Variants in ATG7 observed in about 807,000 individuals in gnomAD.
The protein encoded by ATG7 is autophagy related 7.
Under a neutral mutation model 82.4 loss-of-function variants are expected in ATG7, and 70 were observed. That is an observed-to-expected ratio of 0.85 (90% CI 0.70 to 1.04). The LOEUF (loss-of-function observed/expected upper bound fraction) is 1.04, where lower values mean the gene tolerates loss of function less well. ATG7 is among the 50% of genes least tolerant of loss of function. The pLI is 0.00. For synonymous variants in ATG7, 287 were observed against 313.0 expected, an observed-to-expected ratio of 0.92 and a Z score of 0.88; for missense variants, 792 against 864.3, an observed-to-expected ratio of 0.92 and a Z score of 1.05.
intron 14 of ATG7, among the ~76,000 whole-genome samples, chr3:11,355,486 C>T (rs1346293114): frequency 6.6e-6 from 1 of 152,172 alleles, no homozygotes; most frequent in Non-Finnish European, 1.5e-5. Context: ...TTATCCAGAA[C>T]ACGCAAGATG....
At chr3:11,565,130 G>A in the ATG7 span, 1 of 1,114,070 alleles carries the variant, frequency 9.0e-7, no homozygotes, top group Non-Finnish European at 1.2e-6. This position sits in a 1 kb window ranked among gnomAD's most constrained non-coding sequence, Gnocchi z 4.1. Flanking sequence ...CTGAAGCTCA[G>A]GTCGTGTGGC....
intron 5 of ATG7, among the ~76,000 whole-genome samples, chr3:11,303,980 A>G (rs1345790855): frequency 1.4e-5 from 2 of 143,268 alleles, no homozygotes; most frequent in African/African-American, 2.6e-5. Flanking sequence ...AGTCCCAGCT[A>G]CTCGGGAGGC....
Position 11,321,615 on chromosome 3 carries a change from A to AT in ATG7, c.678+6130dup, listed in dbSNP as rs1386470169. Among the ~76,000 whole-genome samples the AT allele has an allele frequency of 9.2e-5, 14 of 152,066 alleles. No individual in the cohort carries two copies. The East Asian group carries it at 9.7e-4, about 11-fold the overall frequency. On this transcript the variant is annotated intron_variant, in intron 9 of 20. Coordinates refer to ENST00000693202, the MANE Select transcript of ATG7 (RefSeq NM_001349232.2). ...TCCTATAGTGAAAAAGGAAGCAGCC[A>AT]TTTTTTTTCTGCTCAGCTCACAATG...
At chr3:11,387,392 C>T (rs977407546) in intron 19 of ATG7, among the ~76,000 whole-genome samples, 1 of 152,162 alleles carries the variant, frequency 6.6e-6, no homozygotes, top group Non-Finnish European at 1.5e-5. Context: ...TACTCCTTTC[C>T]CTGTCACCTG....
chr3:11,348,745 C>G (rs996642183), intron 14 of ATG7: 1 of 152,288 alleles, frequency 6.6e-6, no homozygotes, highest in Non-Finnish European at 1.5e-5. Flanking sequence ...TGTCCCCACC[C>G]ACGTCCTACT....
intron 20 of ATG7, among the ~76,000 whole-genome samples, chr3:11,507,820 A>G (rs1457386098): frequency 3.9e-5 from 6 of 152,122 alleles, no homozygotes; most frequent in African/African-American, 1.4e-4. Flanking sequence ...GAAGGCAACC[A>G]TTTCCTGCTT....
intron 20 of ATG7, among the ~76,000 whole-genome samples, chr3:11,471,741 A>ATTTTTTT (rs148815680): frequency 3.9e-4 from 12 of 30,396 alleles, no homozygotes; most frequent in South Asian, 1.8e-3. Context: ...GGCTTTTTAG[A>ATTTTTTT]TTTCTTTTTT....
chr3:11,391,958 TGG>T (rs5846709), intron 19 of ATG7, among the ~76,000 whole-genome samples: 1 of 126,704 alleles, frequency 7.9e-6, no homozygotes, highest in African/African-American at 3.0e-5. Context: ...TTGTACTTAT[TGG>T]GGGGGGGGTA....
intron 16 of ATG7, 102 bp from the exon 17 acceptor site, chr3:11,362,711 G>A (rs942004621): frequency 3.3e-5 from 29 of 873,958 alleles, no homozygotes; most frequent in Non-Finnish European, 4.9e-5. Context: ...ATGAGCATCT[G>A]GTTATAATTT....
At chr3:11,531,477 G>T (rs911578729) in intron 20 of ATG7, among the ~76,000 whole-genome samples, 3 of 152,184 alleles carry the variant, frequency 2.0e-5, no homozygotes, top group African/African-American at 7.2e-5. Context: ...TGGCATTAGG[G>T]TGCTCACCTC....
intron 20 of ATG7, among the ~76,000 whole-genome samples, chr3:11,458,904 A>G (rs369182128): frequency 4.6e-5 from 7 of 152,110 alleles, no homozygotes; most frequent in African/African-American, 1.2e-4. Context: ...GCGGAGCATT[A>G]GATTCTCATA....
At chr3:11,452,451 T>A (rs1337539458) in intron 20 of ATG7, among the ~76,000 whole-genome samples, 1 of 148,836 alleles carries the variant, frequency 6.7e-6, no homozygotes, top group African/African-American at 2.5e-5. Flanking sequence ...TTTACACAGC[T>A]GTGAACATAT....
At chr3:11,515,813 A>G (rs1300738608) in intron 20 of ATG7, among the ~76,000 whole-genome samples, 1 of 152,156 alleles carries the variant, frequency 6.6e-6, no homozygotes, top group Non-Finnish European at 1.5e-5. Context: ...GGATAAGACA[A>G]TGAATTCTCT....
chr3:11,433,292 A>T (rs981012004), intron 20 of ATG7, among the ~76,000 whole-genome samples: 6 of 90,170 alleles, frequency 6.7e-5, no homozygotes, highest in African/African-American at 2.5e-4. Flanking sequence ...TCTTATTTAA[A>T]AAAAAAAAAA....
the ATG7 span, chr3:11,564,634 C>T: frequency 2.8e-5 from 23 of 821,942 alleles, no homozygotes; most frequent in African/African-American, 3.0e-4. Context: ...TCCCTTGTCC[C>T]AAGTGCACAA....
At chr3:11,424,055 A>C (rs904626203) in intron 19 of ATG7, among the ~76,000 whole-genome samples, 1 of 151,876 alleles carries the variant, frequency 6.6e-6, no homozygotes, top group African/African-American at 2.4e-5. Flanking sequence ...GTCACAGAGG[A>C]CTTCCTGCCA....
At chr3:11,377,239 T>C (rs773993066) in intron 18 of ATG7, among the ~76,000 whole-genome samples, 22 of 152,340 alleles carry the variant, frequency 1.4e-4, no homozygotes, top group Non-Finnish European at 2.6e-4. Context: ...ACTGGAATTA[T>C]TTTGGTTAAA....
chr3:11,337,265 CA>C (rs1952664761), intron 11 of ATG7, among the ~76,000 whole-genome samples: 2 of 152,054 alleles, frequency 1.3e-5, no homozygotes, highest in African/African-American at 4.8e-5. Context: ...CCATCCTGGC[CA>C]ACATGGTGAA....
chr3:11,300,147 G>T (rs1369880536), intron 5 of ATG7, among the ~76,000 whole-genome samples: 1 of 152,088 alleles, frequency 6.6e-6, no homozygotes, highest in Non-Finnish European at 1.5e-5. Flanking sequence ...GGCAGATCTT[G>T]AACTCCTGAC....
Sources: gnomAD v4.1 joint callset for allele counts (sites outside exome capture counted in the v4.1 genomes callset) on GRCh38, gnomAD v4.1.1 for gene constraint, Gnocchi (gnomAD v3.1) non-coding constraint, MANE v1.5 for transcripts, NCBI Gene and HGNC (gene_info 2026-07-23, HGNC 2026-07-21) for gene names.